Variants in WDR33 observed in about 807,000 individuals in gnomAD.
WDR33 encodes pre-mRNA 3' end processing protein WDR33.
WDR33 carries 47 observed loss-of-function variants against 164.9 expected under a neutral mutation model. The observed-to-expected ratio is 0.29, with a 90% CI of 0.23 to 0.36. The LOEUF (loss-of-function observed/expected upper bound fraction) is 0.36, where lower values mean the gene tolerates loss of function less well. WDR33 is among the 10% of genes least tolerant of loss of function. WDR33 has a pLI of 1.00. For missense variants in WDR33, 1,137 were observed against 1,754.1 expected, an observed-to-expected ratio of 0.65 and a Z score of 6.28; for synonymous variants, 505 against 589.0, an observed-to-expected ratio of 0.86 and a Z score of 2.06.
intron 7 of WDR33, among the ~76,000 whole-genome samples, chr2:127,740,617 A>G (rs1686986916): frequency 1.3e-5 from 2 of 152,234 alleles, no homozygotes; most frequent in South Asian, 4.1e-4. Flanking sequence ...AAATCCCCCA[A>G]TGCCATGGAT....
At chr2:127,792,911 C>T (rs77524972) in intron 1 of WDR33, among the ~76,000 whole-genome samples, 6,433 of 151,950 alleles carry the variant, frequency 0.042, 400 homozygotes, top group African/African-American at 0.14. Context: ...TGTGATGAAA[C>T]AAACAAAGCA....
chr2:127,794,742 G>A (rs1343638628), intron 1 of WDR33, among the ~76,000 whole-genome samples: 1 of 147,382 alleles, frequency 6.8e-6, no homozygotes, highest in Non-Finnish European at 1.5e-5. Flanking sequence ...GCTAAGGCAG[G>A]AGAGTTGCTT....
At position 127,709,742 on chromosome 2, in the gene WDR33, T is replaced by C; in HGVS notation, c.3423A>G (p.Glu1141=). The change falls in exon 19 of 22, where the codon GAA becomes GAG. Residue 1141 remains glutamate (E), a synonymous_variant. Coordinates refer to ENST00000322313, the MANE Select transcript of WDR33 (RefSeq NM_018383.5). This position sits in a 1 kb window ranked among gnomAD's most constrained non-coding sequence, Gnocchi z 5.0. ...GPEENFDASE[E]AARGRDLRGR... Reference sequence around the variant, plus strand: ...CTCTGAGATCTCGTCCTCGGGCCGCTTCCTCAGAAGCATCAAAATTCTCCT... The same window carrying C: ...CTCTGAGATCTCGTCCTCGGGCCGCCTCCTCAGAAGCATCAAAATTCTCCT... 2 of 1,614,208 alleles carry C rather than the reference T, an allele frequency of 1.2e-6. No homozygotes were observed. The highest frequency in any genetic ancestry group is 2.2e-5 in the East Asian group (1 of 44,880).
Position 127,714,905 on chromosome 2 carries a change from A to C in WDR33, c.2870-884T>G, listed in dbSNP as rs1283433442. ...ACACTTTTTAAAAGTAGGTAGCGAA[A>C]GGATACTCTTGATTCTAAAAACAAA... is the stretch of plus-strand genomic sequence containing the variant. On this transcript the variant is annotated intron_variant, in intron 17 of 21. Coordinates refer to ENST00000322313, the MANE Select transcript of WDR33 (RefSeq NM_018383.5). This position sits in a 1 kb window ranked among gnomAD's most constrained non-coding sequence, Gnocchi z 4.3. Among the ~76,000 whole-genome samples the C allele has an allele frequency of 6.6e-6, 1 of 152,126 alleles. No individual in the cohort carries two copies. Among genetic ancestry groups the C allele is most frequent in the Admixed American group, 6.5e-5 (1 of 15,272 alleles).
chr2:127,745,849 A>C (rs998849254), intron 7 of WDR33, among the ~76,000 whole-genome samples: 1 of 152,134 alleles, frequency 6.6e-6, no homozygotes, highest in Non-Finnish European at 1.5e-5. Flanking sequence ...AAAGATTCAA[A>C]TATATTATCT....
rs1686066665 is a variant in WDR33, at chr2:127,708,333, CCCCTCCCACTGAGAG to C, written c.3781+329_3781+343del. ...GACCACCCAGGAGAGGACAACTCTT[CCCCTCCCACTGAGAG>C]CCCTTGAGGGTTCCAAGCAGCCTTG... On this transcript the variant is annotated intron_variant, in intron 21 of 21. Transcript: ENST00000322313. The surrounding 1 kb of genome is among the most constrained non-coding windows in gnomAD (Gnocchi z 6.7). 6.6e-6 allele frequency among the ~76,000 whole-genome samples: 1 copy of C among 152,232 alleles called. No homozygotes were observed. The highest frequency in any genetic ancestry group is 1.5e-5 in the Non-Finnish European group (1 of 68,034).
At position 127,724,844 on chromosome 2, in the gene WDR33, C is replaced by A; in HGVS notation, c.1085+43G>T. On this transcript the variant is annotated intron_variant, in intron 10 of 21. Transcript: ENST00000322313. This position sits in a 1 kb window ranked among gnomAD's most constrained non-coding sequence, Gnocchi z 4.8. The stretch of plus-strand genomic sequence containing the variant: ...TCATGTCTGCACACATTCACGTGCT[C>A]TCTTCACAAAATACACTACTTTTTC... 1 of 1,599,860 alleles carries A rather than the reference C, an allele frequency of 6.3e-7. No individual in the cohort carries two copies. Among genetic ancestry groups the A allele is most frequent in the South Asian group, 1.1e-5 (1 of 90,728 alleles).
At chr2:127,799,427 C>A (rs1464873514) in intron 1 of WDR33, among the ~76,000 whole-genome samples, 1 of 152,116 alleles carries the variant, frequency 6.6e-6, no homozygotes, top group African/African-American at 2.4e-5. Flanking sequence ...ACGAAGAACT[C>A]TTAAAACTCA....
chr2:127,772,111 G>A (rs909966802), intron 1 of WDR33, among the ~76,000 whole-genome samples: 2 of 151,134 alleles, frequency 1.3e-5, no homozygotes, highest in African/African-American at 4.9e-5. Flanking sequence ...TTACAGGCAT[G>A]AGCCACCAAG....
At chr2:127,809,437 T>C (rs2104697821) in intron 1 of WDR33, among the ~76,000 whole-genome samples, 1 of 142,636 alleles carries the variant, frequency 7.0e-6, no homozygotes, top group African/African-American at 2.6e-5. Flanking sequence ...CCTTTTTTTT[T>C]TTTTTTTTTT....
At position 127,709,687 on chromosome 2, in the gene WDR33, G is replaced by A. The variant is rs760462184; in HGVS notation, c.3472+6C>T. Reference sequence around the variant, plus strand: ...CCAGACCAGGTGTCTTTAGTAACTCGCTCACCTCGTGGGGTACCCCGACCT... The same window carrying A: ...CCAGACCAGGTGTCTTTAGTAACTCACTCACCTCGTGGGGTACCCCGACCT... On this transcript the variant is annotated splice_donor_region_variant and intron_variant, in intron 19 of 21. Coordinates refer to ENST00000322313, the MANE Select transcript of WDR33 (RefSeq NM_018383.5). This position sits in a 1 kb window ranked among gnomAD's most constrained non-coding sequence, Gnocchi z 5.0. 15 of 1,614,110 alleles carry A rather than the reference G, an allele frequency of 9.3e-6. No homozygotes were observed. The highest frequency in any genetic ancestry group is 3.3e-4 in the Middle Eastern group (2 of 6,062).
chr2:127,794,438 T>A (rs1313952039), intron 1 of WDR33, among the ~76,000 whole-genome samples: 1 of 150,776 alleles, frequency 6.6e-6, no homozygotes, highest in Non-Finnish European at 1.5e-5. Flanking sequence ...GGGGCAGAGG[T>A]TGCAGTGAGT....
chr2:127,750,700 A>ATATG (rs1553475073), intron 7 of WDR33, among the ~76,000 whole-genome samples: 66 of 61,018 alleles, frequency 1.1e-3, no homozygotes, highest in South Asian at 1.8e-3. Context: ...ATATATATAT[A>ATATG]TATATATATA....
rs1573872171 is a variant in WDR33 at position 127,706,583 on chromosome 2, T to C, written c.3782-31A>G. ...ACAAAGAAAATTTCACATGGGACTTTTTGTATTAGCAACTGTTTGTCAGTA... is the reference window on the plus strand; with the variant it reads ...ACAAAGAAAATTTCACATGGGACTTCTTGTATTAGCAACTGTTTGTCAGTA... On this transcript the variant is annotated intron_variant, in intron 21 of 21. Transcript: ENST00000322313. This position sits in a 1 kb window ranked among gnomAD's most constrained non-coding sequence, Gnocchi z 5.1. 1.3e-6 allele frequency: 2 copies of C among 1,577,008 alleles called. No homozygotes were observed. The highest frequency in any genetic ancestry group is 1.7e-6 in the Non-Finnish European group (2 of 1,160,376).
intron 7 of WDR33, chr2:127,737,960 A>T (rs769739610): frequency 7.1e-5 from 114 of 1,603,790 alleles, no homozygotes; most frequent in South Asian, 2.6e-4. Flanking sequence ...ATATTCACAG[A>T]AGTTGGTAAA....
chr2:127,713,652 C>A lies in WDR33; in HGVS notation c.3239G>T (p.Arg1080Leu). The A allele has an allele frequency of 6.2e-7, 1 of 1,614,234 alleles. No homozygotes were observed. Among genetic ancestry groups the A allele is most frequent in the Non-Finnish European group, 8.5e-7 (1 of 1,180,034 alleles). The change falls in exon 18 of 22, where the codon CGC becomes CTC. Residue 1080 changes from arginine (R) to leucine (L), a missense_variant. Coordinates refer to ENST00000322313, the MANE Select transcript of WDR33 (RefSeq NM_018383.5). This position sits in a 1 kb window ranked among gnomAD's most constrained non-coding sequence, Gnocchi z 6.2. ...GGGGAAACGTTCATCTCCGGGCCTG[C>A]GGCCTTCCCATGCCCCCGGAGGGCC... Reference protein sequence around the residue: ...ARGPPGAWEGRRPGDERFPRD... With the variant: ...ARGPPGAWEGLRPGDERFPRD...
chr2:127,790,920 TATC>T (rs1364487579), intron 1 of WDR33, among the ~76,000 whole-genome samples: 1 of 152,162 alleles, frequency 6.6e-6, no homozygotes, highest in Non-Finnish European at 1.5e-5. Context: ...GATATTCCCT[TATC>T]ATCATTTTAA....
chr2:127,711,514 A>G (rs1281277880), intron 18 of WDR33, among the ~76,000 whole-genome samples: 1 of 151,308 alleles, frequency 6.6e-6, no homozygotes, highest in East Asian at 1.9e-4. Flanking sequence ...ACGCAGATGT[A>G]AAGCTCTTCT....
At chr2:127,765,359 T>A in intron 4 of WDR33, 90 bp from the exon 5 acceptor site, 1 of 877,468 alleles carries the variant, frequency 1.1e-6, no homozygotes, top group Non-Finnish European at 1.8e-6. Context: ...ATGCAATAAC[T>A]GACATTAAAT....
Sources: gnomAD v4.1 joint callset for allele counts (sites outside exome capture counted in the v4.1 genomes callset) on GRCh38, gnomAD v4.1.1 for gene constraint, Gnocchi (gnomAD v3.1) non-coding constraint, MANE v1.5 for transcripts, NCBI Gene and HGNC (gene_info 2026-07-23, HGNC 2026-07-21) for gene names.